The following FHIT variants were observed in gnomAD, a reference collection of about 807,000 sequenced individuals.
FHIT encodes fragile histidine triad diadenosine triphosphatase, also known as bis(5'-adenosyl)-triphosphatase.
Under a neutral mutation model 17.9 loss-of-function variants are expected in FHIT, and 19 were observed. The observed-to-expected ratio is 1.06, with a 90% CI of 0.74 to 1.56. The LOEUF is 1.56. Ranked by LOEUF, FHIT falls within the 40% of genes most tolerant of loss-of-function variation. FHIT has a pLI of 0.00. For missense variants in FHIT, 248 were observed against 189.2 expected, an observed-to-expected ratio of 1.31 and a Z score of -1.82; for synonymous variants, 81 against 69.7, an observed-to-expected ratio of 1.16 and a Z score of -0.81.
At chr3:60,617,490 A>G (rs1200108837) in intron 4 of FHIT, 1 of 154,734 alleles carries the variant, frequency 6.5e-6, no homozygotes, top group African/African-American at 2.4e-5. Flanking sequence ...TTTGTAAGAA[A>G]GATGATTTTT....
At chr3:60,071,980 C>G (rs1263039153) in intron 5 of FHIT, among the ~76,000 whole-genome samples, 1 of 152,190 alleles carries the variant, frequency 6.6e-6, no homozygotes, top group Admixed American at 6.5e-5. Context: ...GCTTCCTCAG[C>G]CACGTGGAAC....
intron 5 of FHIT, among the ~76,000 whole-genome samples, chr3:60,211,271 T>G (rs1403527739): frequency 6.6e-6 from 1 of 151,920 alleles, no homozygotes; most frequent in East Asian, 1.9e-4. Context: ...TGTATGTATA[T>G]CCACATACAA....
chr3:60,617,937 TG>T, intron 4 of FHIT: 1 of 255,040 alleles, frequency 3.9e-6, no homozygotes. Flanking sequence ...GAAAAATCCT[TG>T]GGTTCTGGAT....
At chr3:60,782,013 A>G (rs987258810) in intron 4 of FHIT, among the ~76,000 whole-genome samples, 13 of 151,730 alleles carry the variant, frequency 8.6e-5, no homozygotes, top group Non-Finnish European at 1.6e-4. Context: ...ATATCTCCCC[A>G]TTTCCCCTAC....
At chr3:60,542,802 ATC>A (rs1047289461) in intron 4 of FHIT, among the ~76,000 whole-genome samples, 6 of 152,054 alleles carry the variant, frequency 3.9e-5, no homozygotes, top group Non-Finnish European at 8.8e-5. Context: ...TGCTCTGCAA[ATC>A]TCTCCGAACA....
At chr3:60,613,545 C>T (rs78477336) in intron 4 of FHIT, among the ~76,000 whole-genome samples, 3,880 of 152,222 alleles carry the variant, frequency 0.025, 68 homozygotes, top group Middle Eastern at 0.062. Flanking sequence ...ATCTTTTCTG[C>T]TTATATCTTT....
At chr3:60,549,685 A>G (rs956972202) in intron 4 of FHIT, among the ~76,000 whole-genome samples, 2 of 152,218 alleles carry the variant, frequency 1.3e-5, no homozygotes, top group African/African-American at 4.8e-5. Context: ...AATACAACAT[A>G]AAGGGAAATA....
intron 5 of FHIT, among the ~76,000 whole-genome samples, chr3:60,360,709 A>T (rs890343026): frequency 6.6e-6 from 1 of 152,166 alleles, no homozygotes; most frequent in Non-Finnish European, 1.5e-5. Context: ...TTCAAAATCA[A>T]TATGGCCAAA....
intron 2 of FHIT, among the ~76,000 whole-genome samples, chr3:61,151,194 T>C (rs1425093099): frequency 1.3e-5 from 2 of 152,220 alleles, no homozygotes; most frequent in African/African-American, 4.8e-5. Context: ...CCTACCGAAG[T>C]GCTTTTTAAG....
intron 5 of FHIT, among the ~76,000 whole-genome samples, chr3:60,437,745 A>G (rs2030404217): frequency 6.6e-6 from 1 of 152,112 alleles, no homozygotes; most frequent in African/African-American, 2.4e-5. Context: ...GTTACTAAAT[A>G]AAGGCCTTCT....
chr3:60,161,918 G>C (rs566499852), intron 5 of FHIT, among the ~76,000 whole-genome samples: 3 of 152,254 alleles, frequency 2.0e-5, no homozygotes, highest in Non-Finnish European at 4.4e-5. Context: ...GGCACAAGTA[G>C]ATCACTCTTC....
At chr3:59,991,120 T>C (rs2107472249) in intron 7 of FHIT, among the ~76,000 whole-genome samples, 1 of 152,146 alleles carries the variant, frequency 6.6e-6, no homozygotes, top group African/African-American at 2.4e-5. Flanking sequence ...ATCTGTTTTA[T>C]TTAGCGAGAA....
intron 5 of FHIT, among the ~76,000 whole-genome samples, chr3:60,340,088 T>G (rs1453843962): frequency 6.6e-6 from 1 of 152,148 alleles, no homozygotes; most frequent in Non-Finnish European, 1.5e-5. Flanking sequence ...TTTTTAAGTT[T>G]TCTTCTCTGA....
At chr3:59,799,480 TG>T (rs1699909698) in intron 8 of FHIT, among the ~76,000 whole-genome samples, 1 of 152,062 alleles carries the variant, frequency 6.6e-6, no homozygotes, top group Admixed American at 6.5e-5. Context: ...ATTTTGTTCA[TG>T]AGAAGTAGAG....
chr3:60,714,385 G>A (rs1198851120), intron 4 of FHIT, among the ~76,000 whole-genome samples: 2 of 152,094 alleles, frequency 1.3e-5, no homozygotes, highest in Non-Finnish European at 2.9e-5. Context: ...AGACAGGGAT[G>A]CCCTCTCTCA....
chr3:60,620,257 C>T (rs529186184), intron 4 of FHIT, among the ~76,000 whole-genome samples: 3 of 152,210 alleles, frequency 2.0e-5, no homozygotes, highest in South Asian at 2.1e-4. Context: ...CAAAATGAAA[C>T]GTACTCTTAC....
chr3:60,761,022 T>A (rs1699630625), intron 4 of FHIT, among the ~76,000 whole-genome samples: 1 of 152,174 alleles, frequency 6.6e-6, no homozygotes, highest in African/African-American at 2.4e-5. Context: ...TTTTAATAGC[T>A]TTCTTATAAA....
intron 7 of FHIT, among the ~76,000 whole-genome samples, chr3:59,955,587 G>A (rs1169021425): frequency 6.6e-6 from 1 of 152,060 alleles, no homozygotes; most frequent in African/African-American, 2.4e-5. Context: ...ATCTCCATGT[G>A]GAAGTCATAG....
chr3:60,930,152 T>G (rs1408260193), intron 3 of FHIT, among the ~76,000 whole-genome samples: 1 of 151,708 alleles, frequency 6.6e-6, no homozygotes, highest in Admixed American at 6.6e-5. Context: ...TGGGGAAACC[T>G]GGCTAGCCAT....
Sources: gnomAD v4.1 joint callset for allele counts (sites outside exome capture counted in the v4.1 genomes callset) on GRCh38, gnomAD v4.1.1 for gene constraint, MANE v1.5 for transcripts, NCBI Gene and HGNC (gene_info 2026-07-23, HGNC 2026-07-21) for gene names.